The following CAMTA1 variants were observed in gnomAD, a reference collection of about 807,000 sequenced individuals.
The protein encoded by CAMTA1 is calmodulin-binding transcription activator 1.
CAMTA1 carries 27 observed loss-of-function variants against 170.9 expected under a neutral mutation model. That is an observed-to-expected ratio of 0.16 (90% CI 0.12 to 0.22). The LOEUF (loss-of-function observed/expected upper bound fraction) is 0.22. CAMTA1 is among the 10% of genes least tolerant of loss of function. The pLI is 1.00. For synonymous variants in CAMTA1, 833 were observed against 891.5 expected (o/e 0.93, Z 1.17); for missense variants, 1,619 against 2,217.2 (o/e 0.73, Z 5.42).
At chr1:7,600,977 C>T (rs1228556017) in intron 6 of CAMTA1, among the ~76,000 whole-genome samples, 3 of 152,138 alleles carry the variant, frequency 2.0e-5, no homozygotes, top group South Asian at 2.1e-4. Context: ...CATCATGGCC[C>T]GTTCTCAATG....
rs377576496 is a variant in CAMTA1 at position 6,908,014 on chromosome 1, A to G, written c.234+82804A>G. The stretch of plus-strand genomic sequence containing the variant: ...ATGTCTTGTCACTTTTTCCTTGCCT[A>G]CTGGAGCCAGGCTGGCCATTTTTTC... On this transcript the variant is annotated intron_variant, in intron 3 of 22. Coordinates refer to ENST00000303635, the MANE Select transcript of CAMTA1 (RefSeq NM_015215.4). Among the ~76,000 whole-genome samples, 11 of 152,042 alleles carry G rather than the reference A, an allele frequency of 7.2e-5. No individual in the cohort carries two copies. The East Asian group carries it at 2.1e-3, about 29-fold the overall frequency.
At chr1:7,241,865 G>C (rs556519653) in intron 4 of CAMTA1, among the ~76,000 whole-genome samples, 80 of 152,176 alleles carry the variant, frequency 5.3e-4, no homozygotes, top group African/African-American at 1.9e-3. Context: ...GAAGACATAA[G>C]ACATGTTTAT....
At chr1:7,045,440 C>A (rs970785358) in intron 3 of CAMTA1, among the ~76,000 whole-genome samples, 1 of 152,194 alleles carries the variant, frequency 6.6e-6, no homozygotes, top group South Asian at 2.1e-4. Flanking sequence ...CACCAAATAC[C>A]CCCAATACCT....
chr1:7,746,342 C>T (rs1276042098), intron 18 of CAMTA1, among the ~76,000 whole-genome samples: 1 of 152,062 alleles, frequency 6.6e-6, no homozygotes, highest in Non-Finnish European at 1.5e-5. Flanking sequence ...TTAAAGTGTG[C>T]AGTGTGGGGG....
At chr1:7,572,818 A>G (rs1326012445) in intron 6 of CAMTA1, among the ~76,000 whole-genome samples, 1 of 152,230 alleles carries the variant, frequency 6.6e-6, no homozygotes, top group East Asian at 1.9e-4. Context: ...TAAAGACAGA[A>G]GGGAAATGGA....
At chr1:7,019,868 G>A (rs1701104498) in intron 3 of CAMTA1, among the ~76,000 whole-genome samples, 1 of 152,234 alleles carries the variant, frequency 6.6e-6, no homozygotes, top group Non-Finnish European at 1.5e-5. Flanking sequence ...CAGCTCTCAT[G>A]GAAGCAGTGT....
intron 5 of CAMTA1, among the ~76,000 whole-genome samples, chr1:7,346,552 A>G (rs1052536147): frequency 2.0e-4 from 31 of 152,254 alleles, no homozygotes; most frequent in African/African-American, 6.7e-4. Flanking sequence ...AGCCCATAAG[A>G]CTTCCCCCCT....
intron 3 of CAMTA1, among the ~76,000 whole-genome samples, chr1:6,859,604 C>T (rs1663865439): frequency 6.6e-6 from 1 of 151,958 alleles, no homozygotes; most frequent in East Asian, 1.9e-4. Flanking sequence ...GCCTGGGCAA[C>T]ATAGGGAGAC....
At chr1:6,862,670 C>T (rs1665193471) in intron 3 of CAMTA1, among the ~76,000 whole-genome samples, 1 of 152,188 alleles carries the variant, frequency 6.6e-6, no homozygotes. Context: ...CTGTGCCATC[C>T]TCCCTTGGCT....
At chr1:7,280,550 G>A (rs1016604312) in intron 5 of CAMTA1, among the ~76,000 whole-genome samples, 1 of 152,212 alleles carries the variant, frequency 6.6e-6, no homozygotes, top group Non-Finnish European at 1.5e-5. Context: ...AGCAACCAAG[G>A]GCAAGCCCTT....
In CAMTA1 at chr1:6,988,368, A is replaced by G. The variant is rs1439455910; in HGVS notation, c.235-102936A>G. On this transcript the variant is annotated intron_variant, in intron 3 of 22. Transcript: ENST00000303635. ...TAATGAAAACCCGGTTTCATTTTGC[A>G]TAATCAGGCACTATTGAAACGAGCC... Among the ~76,000 whole-genome samples, 4 of 152,182 alleles carry G rather than the reference A, an allele frequency of 2.6e-5. No individual in the cohort carries two copies. The South Asian group carries it at 8.3e-4, about 32-fold the overall frequency.
At chr1:7,629,537 G>T (rs1387650953) in intron 6 of CAMTA1, among the ~76,000 whole-genome samples, 1 of 152,216 alleles carries the variant, frequency 6.6e-6, no homozygotes, top group Non-Finnish European at 1.5e-5. Flanking sequence ...CAGAGTGGGG[G>T]AACCCGTATT....
chr1:7,748,238 A>AAAAC lies in CAMTA1; in HGVS notation c.4689+489_4689+492dup, dbSNP rs138857646. 1.3e-5 allele frequency among the ~76,000 whole-genome samples: 2 copies of AAAAC among 150,890 alleles called. No homozygotes were observed. The highest frequency in any genetic ancestry group is 2.9e-5 in the Non-Finnish European group (2 of 67,798). On this transcript the variant is annotated intron_variant, in intron 19 of 22. Coordinates refer to ENST00000303635, the MANE Select transcript of CAMTA1 (RefSeq NM_015215.4). This position sits in a 1 kb window ranked among gnomAD's most constrained non-coding sequence, Gnocchi z 4.7. ...GAGACTTAATTTGAACTGCCATGAT[A>AAAAC]AAACAAACAAACAAACAAACAAACA...
chr1:7,180,173 C>T (rs532039881), intron 4 of CAMTA1, among the ~76,000 whole-genome samples: 8 of 151,832 alleles, frequency 5.3e-5, no homozygotes, highest in African/African-American at 1.7e-4. Flanking sequence ...TCGAGATCAG[C>T]GTGGCCAACG....
At chr1:7,068,923 A>C (rs866234792) in intron 3 of CAMTA1, among the ~76,000 whole-genome samples, 4 of 152,012 alleles carry the variant, frequency 2.6e-5, no homozygotes, top group Admixed American at 6.6e-5. Context: ...GCAGGAAGAC[A>C]CTCTCCTCTA....
At chr1:7,752,900 G>A (rs2096907474) in intron 21 of CAMTA1, among the ~76,000 whole-genome samples, 1 of 152,178 alleles carries the variant, frequency 6.6e-6, no homozygotes, top group South Asian at 2.1e-4. Flanking sequence ...ATGCTAGCGC[G>A]TGTCCAAACA....
rs982859286 is a variant in CAMTA1, at chr1:7,044,751, G to A, written c.235-46553G>A. On this transcript the variant is annotated intron_variant, in intron 3 of 22. Transcript: ENST00000303635. The surrounding 1 kb of genome is among the most constrained non-coding windows in gnomAD (Gnocchi z 5.0). ...GCTTTGGGGAGGGAACTTACCCTGCGTGCAGTCCTCCTGCCCCCCTGCCTG... is the reference window on the plus strand; with the variant it reads ...GCTTTGGGGAGGGAACTTACCCTGCATGCAGTCCTCCTGCCCCCCTGCCTG... Among the ~76,000 whole-genome samples, 5 of 151,872 alleles carry A rather than the reference G, an allele frequency of 3.3e-5. No homozygotes were observed. Among genetic ancestry groups the A allele is most frequent in the Non-Finnish European group, 7.4e-5 (5 of 67,986 alleles).
chr1:7,300,145 A>G lies in CAMTA1; in HGVS notation c.438+50519A>G, dbSNP rs1334116943. 6.6e-6 allele frequency among the ~76,000 whole-genome samples: 1 copy of G among 152,212 alleles called. No individual in the cohort carries two copies. The highest frequency in any genetic ancestry group is 2.4e-5 in the African/African-American group (1 of 41,464). ...AAAAAAATTCCCTTCGCAATAAAGCACCAGATTGAATGTCCGATGAGTCAC... is the reference window on the plus strand; with the variant it reads ...AAAAAAATTCCCTTCGCAATAAAGCGCCAGATTGAATGTCCGATGAGTCAC... On this transcript the variant is annotated intron_variant, in intron 5 of 22. Coordinates refer to ENST00000303635, the MANE Select transcript of CAMTA1 (RefSeq NM_015215.4). This position sits in a 1 kb window ranked among gnomAD's most constrained non-coding sequence, Gnocchi z 4.1.
At chr1:6,818,073 A>T (rs1210907257) in intron 1 of CAMTA1, among the ~76,000 whole-genome samples, 2 of 152,346 alleles carry the variant, frequency 1.3e-5, no homozygotes, top group South Asian at 2.1e-4. Context: ...GCGGTGGGTC[A>T]TGCCTGTAAT....
Sources: allele counts gnomAD v4.1 joint callset (sites outside exome capture counted in the v4.1 genomes callset), GRCh38; gene constraint gnomAD v4.1.1; non-coding constraint Gnocchi (gnomAD v3.1); transcripts MANE v1.5; gene names NCBI Gene and HGNC (gene_info 2026-07-23, HGNC 2026-07-21).